UPK1A: variants seen among roughly 807,000 people sequenced by gnomAD.
UPK1A encodes the protein uroplakin 1A, also known as uroplakin-1a.
UPK1A carries 31 observed loss-of-function variants against 32.3 expected under a neutral mutation model. That is an observed-to-expected ratio of 0.96 (90% CI 0.72 to 1.30). UPK1A has a LOEUF of 1.30. Ranked by LOEUF, UPK1A falls within the 50% of genes most tolerant of loss-of-function variation. The pLI, the probability that UPK1A is intolerant of heterozygous loss-of-function variation, is 0.00. For missense variants in UPK1A, 340 were observed against 357.4 expected, an observed-to-expected ratio of 0.95 and a Z score of 0.39; for synonymous variants, 135 against 137.1, an observed-to-expected ratio of 0.98 and a Z score of 0.11.
chr19:35,675,330 G>A (rs11673257), intron 5 of UPK1A, among the ~76,000 whole-genome samples: 4 of 151,940 alleles, frequency 2.6e-5, no homozygotes, highest in Admixed American at 6.6e-5. Context: ...TTCCCAGGCT[G>A]GAGTGCAGTG....
At chr19:35,675,920 G>A (rs1046058623) in exon 6 of UPK1A, 1 of 1,613,858 alleles carries the variant, frequency 6.2e-7, no homozygotes, top group Non-Finnish European at 8.5e-7. Flanking sequence ...CGGAGGTGGT[G>A]TTCCCCTGGC....
intron 2 of UPK1A, among the ~76,000 whole-genome samples, chr19:35,667,654 C>T (rs1268896869): frequency 1.3e-5 from 2 of 151,560 alleles, no homozygotes; most frequent in Admixed American, 6.6e-5. Flanking sequence ...CTACCACACC[C>T]GGCTACTTTT....
At chr19:35,673,166 G>T in intron 3 of UPK1A, 66 bp from the exon 4 acceptor site, 1 of 1,542,990 alleles carries the variant, frequency 6.5e-7, no homozygotes, top group Non-Finnish European at 8.9e-7. Flanking sequence ...CCCCAGTGAT[G>T]CTTCCCTGAC....
At chr19:35,676,911 AC>A (rs1221060726) in intron 6 of UPK1A, among the ~76,000 whole-genome samples, 2 of 151,262 alleles carry the variant, frequency 1.3e-5, no homozygotes, top group Non-Finnish European at 2.9e-5. Context: ...ACAAAAAAAA[AC>A]AAAACAAAAC....
At chr19:35,676,370 A>T (rs371222710) in intron 6 of UPK1A, 4 of 379,440 alleles carry the variant, frequency 1.1e-5, no homozygotes, top group South Asian at 8.6e-5. Flanking sequence ...TTGTATTTTT[A>T]GCAGAGACGG....
rs115618544 is a variant in UPK1A at position 35,668,259 on chromosome 19, G to A, written c.85-195G>A. On this transcript the variant is annotated intron_variant, in intron 2 of 7. Coordinates refer to ENST00000617999, the Ensembl canonical transcript of UPK1A. ...AACTGGCAGCTGGGGCGTGGGGGTC[G>A]GTTGTCTGGCTGGGCTGTCTCTTCT... 3,313 of 658,892 alleles carry A rather than the reference G, an allele frequency of 5.0e-3. 96 individuals carry two copies. The highest frequency in any genetic ancestry group is 0.049 in the African/African-American group (2,738 of 55,360). The allele number at this position is 658,892 out of a possible 1,614,324, so 40.8% of individuals were successfully genotyped here.
chr19:35,670,754 G>C (rs563749432), intron 3 of UPK1A, among the ~76,000 whole-genome samples: 60 of 113,078 alleles, frequency 5.3e-4, no homozygotes, highest in Non-Finnish European at 7.9e-4. Context: ...TCACTCTGTT[G>C]CCCAGTTTGG....
At position 35,676,128 on chromosome 19, in the gene UPK1A, C is replaced by G. The variant is rs1968177684; in HGVS notation, c.648+109C>G. Reference sequence around the variant, plus strand: ...TCCCTCCCTGTGTCTGTCCGTCTAGCTTTTTCCCTCTCCTCTTCCCCTCTC... The same window carrying G: ...TCCCTCCCTGTGTCTGTCCGTCTAGGTTTTTCCCTCTCCTCTTCCCCTCTC... On this transcript the variant is annotated intron_variant, in intron 6 of 7. Transcript: ENST00000617999. The G allele has an allele frequency of 5.9e-6, 7 of 1,195,780 alleles. No homozygotes were observed. In the East Asian group the frequency reaches 1.8e-4, roughly 31 times the overall value. The allele number at this position is 1,195,780 out of a possible 1,614,324, so 74.1% of individuals were successfully genotyped here. A position where few individuals can be genotyped will look rare whatever the true frequency, so the allele number is the denominator to read the frequency against.
At chr19:35,671,798 G>C (rs932671813) in intron 3 of UPK1A, among the ~76,000 whole-genome samples, 1 of 151,886 alleles carries the variant, frequency 6.6e-6, no homozygotes, top group Non-Finnish European at 1.5e-5. Flanking sequence ...AAGTAGACTA[G>C]AGTCCGCAGT....
At chr19:35,675,212 G>C (rs1968163075) in intron 5 of UPK1A, among the ~76,000 whole-genome samples, 1 of 152,090 alleles carries the variant, frequency 6.6e-6, no homozygotes. Flanking sequence ...TCCTTACCAA[G>C]GCCAGGAAAA....
At position 35,668,439 on chromosome 19, in the gene UPK1A, C is replaced by T; in HGVS notation, c.85-15C>T. The T allele has an allele frequency of 6.2e-7, 1 of 1,613,932 alleles. No individual in the cohort carries two copies. Among genetic ancestry groups the T allele is most frequent in the South Asian group, 1.1e-5 (1 of 91,070 alleles). Reference sequence around the variant, plus strand: ...TGGCCCCGAGCAGACCTTCCTAACCCACCGCTCTGTCCAGCTGTCAGGCCT... The same window carrying T: ...TGGCCCCGAGCAGACCTTCCTAACCTACCGCTCTGTCCAGCTGTCAGGCCT... On this transcript the variant is annotated splice_polypyrimidine_tract_variant and intron_variant, in intron 2 of 7. Coordinates refer to ENST00000617999, the Ensembl canonical transcript of UPK1A.
chr19:35,668,298 C>A (rs1454252984), intron 2 of UPK1A, 156 bp from the exon 3 acceptor site: 9 of 872,744 alleles, frequency 1.0e-5, no homozygotes, highest in Non-Finnish European at 1.5e-5. Flanking sequence ...CTGGCCTCTG[C>A]TCACCCTCAT....
chr19:35,670,467 TG>T, intron 3 of UPK1A, among the ~76,000 whole-genome samples: 1 of 119,978 alleles, frequency 8.3e-6, no homozygotes. Flanking sequence ...GGCTTTATCC[TG>T]AGTAAGATGG....
intron 1 of UPK1A, 64 bp from the exon 2 acceptor site, chr19:35,666,745 T>C: frequency 1.3e-6 from 2 of 1,544,680 alleles, no homozygotes; most frequent in Non-Finnish European, 1.8e-6. Flanking sequence ...AGGGTGTGGC[T>C]CAGAGATGGG....
chr19:35,672,238 AT>A (rs1968113186), intron 3 of UPK1A, among the ~76,000 whole-genome samples: 1 of 152,090 alleles, frequency 6.6e-6, no homozygotes, highest in African/African-American at 2.4e-5. Flanking sequence ...AATGTCTCTG[AT>A]TATCTGAGAA....
rs1404364613 is a variant in UPK1A at position 35,668,248 on chromosome 19, G to C, written c.85-206G>C. On this transcript the variant is annotated intron_variant, in intron 2 of 7. Transcript: ENST00000617999. ...ATCCCCGAAGAAACTGGCAGCTGGG[G>C]CGTGGGGGTCGGTTGTCTGGCTGGG... 4.7e-6 allele frequency: 3 copies of C among 632,000 alleles called. No individual in the cohort carries two copies. The African/African-American group carries it at 5.5e-5, about 12-fold the overall frequency. The allele number at this position is 632,000 out of a possible 1,614,324, so 39.1% of individuals were successfully genotyped here.
intron 6 of UPK1A, among the ~76,000 whole-genome samples, chr19:35,676,605 G>A (rs900575941): frequency 3.3e-5 from 5 of 151,902 alleles, no homozygotes; most frequent in African/African-American, 1.2e-4. Context: ...CCGAGAATAA[G>A]AGCAATAATA....
At position 35,673,307 on chromosome 19, in the gene UPK1A, G is replaced by C. The variant is rs561110039; in HGVS notation, c.360+1G>C. The C allele has an allele frequency of 6.2e-7, 1 of 1,613,860 alleles. No homozygotes were observed. On this transcript the variant is annotated splice_donor_variant, in intron 4 of 7. Coordinates refer to ENST00000617999, the Ensembl canonical transcript of UPK1A. LOFTEE classifies it high-confidence loss of function. ...CACGTCCTACACCCACCGTGACTACGTGAGCCCGGCGAGGCCTGGGGAGGG... is the reference window on the plus strand; with the variant it reads ...CACGTCCTACACCCACCGTGACTACCTGAGCCCGGCGAGGCCTGGGGAGGG...
At chr19:35,666,883 A>G (rs758997258) in exon 2 of UPK1A, 5 of 1,613,944 alleles carry the variant, frequency 3.1e-6, no homozygotes, top group African/African-American at 2.7e-5. Flanking sequence ...GTTGTGGGCA[A>G]TATCATTATT....
Sources: allele counts gnomAD v4.1 joint callset (sites outside exome capture counted in the v4.1 genomes callset), GRCh38; gene constraint gnomAD v4.1.1; transcripts MANE v1.5; gene names NCBI Gene and HGNC (gene_info 2026-07-23, HGNC 2026-07-21).